Variants in NOL4 observed in about 807,000 individuals in gnomAD.
The protein encoded by NOL4 is cancer/testis antigen 125.
A neutral mutation model predicts 75.9 loss-of-function variants in NOL4; 17 were observed. The observed-to-expected ratio is 0.22, with a 90% CI of 0.15 to 0.34. NOL4 has a LOEUF of 0.34. Ranked by LOEUF, NOL4 falls within the 10% of genes least tolerant of loss-of-function variation. The pLI is 1.00. For synonymous variants in NOL4, 292 were observed against 289.9 expected (o/e 1.01, Z -0.07); for missense variants, 614 against 793.5 (o/e 0.77, Z 2.72).
Position 34,141,140 on chromosome 18 carries a change from C to T in NOL4, c.265-11120G>A, listed in dbSNP as rs183964509. Among the ~76,000 whole-genome samples, 22 of 152,222 alleles carry T rather than the reference C, an allele frequency of 1.4e-4. No homozygotes were observed. In the East Asian group the frequency reaches 3.7e-3, roughly 25 times the overall value. ...CCAACTTACAAGGGAAGTGAAGGAC[C>T]TCTTCAAGGAGAACTACAAACCACT... On this transcript the variant is annotated intron_variant, in intron 1 of 10. Coordinates refer to ENST00000261592, the MANE Select transcript of NOL4 (RefSeq NM_003787.5).
At chr18:34,025,902 T>G (rs2075316735) in intron 5 of NOL4, among the ~76,000 whole-genome samples, 1 of 152,154 alleles carries the variant, frequency 6.6e-6, no homozygotes, top group Non-Finnish European at 1.5e-5. Context: ...GGTATTCTCC[T>G]AAACTCTCCT....
At chr18:33,893,764 G>T (rs1408936880) in intron 9 of NOL4, among the ~76,000 whole-genome samples, 6 of 152,040 alleles carry the variant, frequency 3.9e-5, no homozygotes, top group Non-Finnish European at 1.5e-5. Context: ...GCACTTTGAA[G>T]TGTACAAGGC....
chr18:34,084,272 C>G (rs370866226), intron 5 of NOL4, among the ~76,000 whole-genome samples: 59 of 152,104 alleles, frequency 3.9e-4, no homozygotes, highest in African/African-American at 1.4e-3. Context: ...ACAGGAAAGA[C>G]TAGGGCTGCT....
At chr18:33,906,915 T>G (rs1246522213) in intron 9 of NOL4, among the ~76,000 whole-genome samples, 2 of 152,194 alleles carry the variant, frequency 1.3e-5, no homozygotes, top group Non-Finnish European at 2.9e-5. Flanking sequence ...TGTTCTGTTA[T>G]ATAATTATCT....
intron 1 of NOL4, among the ~76,000 whole-genome samples, chr18:34,159,171 C>T (rs2030995742): frequency 6.6e-6 from 1 of 152,130 alleles, no homozygotes; most frequent in Admixed American, 6.5e-5. Flanking sequence ...AGAAAGGCGC[C>T]CTCCACCCTG....
chr18:34,130,014 C>T lies in NOL4; in HGVS notation c.271G>A (p.Val91Ile), dbSNP rs748692663. 2.9e-5 allele frequency: 45 copies of T among 1,558,088 alleles called. No homozygotes were observed. In the South Asian group the frequency reaches 4.1e-4, roughly 14 times the overall value. Reference protein sequence around the residue: ...LYVPVKTTDGVGVDEKLSLRR... With the variant: ...LYVPVKTTDGIGVDEKLSLRR... Reference sequence around the variant, plus strand: ...AAAGATAGCTTCTCATCTACCCCTACGCCATCCTGGAAACAAAACAACAAC... The same window carrying T: ...AAAGATAGCTTCTCATCTACCCCTATGCCATCCTGGAAACAAAACAACAAC... Residue 91 changes from valine to isoleucine, a missense_variant, in exon 2 of 11, where the codon GTA becomes ATA. By Grantham distance (29) the Val-to-Ile change is conservative (BLOSUM62 3). Around this residue, in one of 9 missense-constraint regions of NOL4, gnomAD observed 49 missense variants for 39.6 expected, o/e 1.24. Transcript: ENST00000261592.
chr18:34,017,378 G>A (rs146204196), intron 6 of NOL4, among the ~76,000 whole-genome samples: 26 of 152,144 alleles, frequency 1.7e-4, no homozygotes, highest in East Asian at 1.2e-3. Context: ...AATTTAAGAT[G>A]TACAACATGA....
chr18:34,200,037 T>C (rs901122503), intron 1 of NOL4, among the ~76,000 whole-genome samples: 2 of 151,828 alleles, frequency 1.3e-5, no homozygotes, highest in Non-Finnish European at 3.0e-5. Context: ...ATTTTAGTAA[T>C]TGTTGTGTTG....
intron 5 of NOL4, among the ~76,000 whole-genome samples, chr18:34,046,295 A>T (rs1197973514): frequency 6.6e-6 from 1 of 151,972 alleles, no homozygotes; most frequent in Admixed American, 6.6e-5. Context: ...GCCTTTCGAG[A>T]GAGAATCTGA....
At chr18:34,054,955 G>A (rs1381772174) in intron 5 of NOL4, among the ~76,000 whole-genome samples, 1 of 148,426 alleles carries the variant, frequency 6.7e-6, no homozygotes, top group Non-Finnish European at 1.5e-5. Context: ...ATTCTATATT[G>A]CATATTTCCA....
intron 8 of NOL4, among the ~76,000 whole-genome samples, chr18:33,947,519 C>T (rs1318240087): frequency 6.6e-6 from 1 of 151,818 alleles, no homozygotes; most frequent in Non-Finnish European, 1.5e-5. Context: ...ATAACACCTC[C>T]TGTGGCTGAA....
intron 10 of NOL4, among the ~76,000 whole-genome samples, chr18:33,860,305 A>C (rs2063047815): frequency 1.3e-5 from 2 of 152,188 alleles, no homozygotes; most frequent in South Asian, 4.2e-4. Context: ...CCCAAATCTC[A>C]CATCCTTTTT....
chr18:33,915,082 C>T (rs1182725875), intron 9 of NOL4, among the ~76,000 whole-genome samples: 3 of 152,080 alleles, frequency 2.0e-5, no homozygotes, highest in African/African-American at 7.2e-5. Flanking sequence ...GAAAAGAATT[C>T]GTATGTTGTT....
At chr18:33,906,699 T>G (rs532813495) in intron 9 of NOL4, among the ~76,000 whole-genome samples, 143 of 152,220 alleles carry the variant, frequency 9.4e-4, no homozygotes, top group Admixed American at 2.0e-3. Context: ...TGTAGTATTT[T>G]AGAACTTTTA....
At chr18:33,919,071 T>G (rs2066886967) in intron 9 of NOL4, among the ~76,000 whole-genome samples, 1 of 152,178 alleles carries the variant, frequency 6.6e-6, no homozygotes, top group African/African-American at 2.4e-5. Context: ...ACTGGAGCAG[T>G]GTTTTTTAGG....
At position 33,895,231 on chromosome 18, in the gene NOL4, T is replaced by C. The variant is rs146690028; in HGVS notation, c.1543-11807A>G. Among the ~76,000 whole-genome samples, 234 of 152,180 alleles carry C rather than the reference T, an allele frequency of 1.5e-3. 1 individual carries two copies. The highest frequency in any genetic ancestry group is 5.4e-3 in the African/African-American group (224 of 41,558). ...TACAGTAGTGATAATCCTCAACTAA[T>C]TTTATATGTATACATGACTAGCAAG... On this transcript the variant is annotated intron_variant, in intron 9 of 10. Coordinates refer to ENST00000261592, the MANE Select transcript of NOL4 (RefSeq NM_003787.5).
rs536554202 is a variant in NOL4, at chr18:34,080,224, G to A, written c.772+13241C>T. 1.2e-3 allele frequency among the ~76,000 whole-genome samples: 185 copies of A among 152,248 alleles called. 1 individual carries two copies. The highest frequency in any genetic ancestry group is 4.3e-3 in the African/African-American group (177 of 41,544). ...AGCTCCTCCATCCTCAGGTCAAACT[G>A]TAGCCACTGCTAGACTCTCTCATAA... is the stretch of plus-strand genomic sequence containing the variant. On this transcript the variant is annotated intron_variant, in intron 5 of 10. Coordinates refer to ENST00000261592, the MANE Select transcript of NOL4 (RefSeq NM_003787.5).
At chr18:34,157,932 ATC>A (rs2146141253) in intron 1 of NOL4, among the ~76,000 whole-genome samples, 1 of 152,322 alleles carries the variant, frequency 6.6e-6, no homozygotes. Context: ...CTATATCAAA[ATC>A]TCTTTTAGTG....
chr18:34,099,877 T>C (rs1028563403), intron 4 of NOL4, among the ~76,000 whole-genome samples: 7 of 152,126 alleles, frequency 4.6e-5, no homozygotes, highest in African/African-American at 1.7e-4. Flanking sequence ...CATGCCCCTA[T>C]ATAGCTGGAC....
Sources: gnomAD v4.1 joint callset for allele counts (sites outside exome capture counted in the v4.1 genomes callset) on GRCh38, gnomAD v4.1.1 for gene constraint, gnomAD v4.1.1 regional missense constraint, MANE v1.5 for transcripts, NCBI Gene and HGNC (gene_info 2026-07-23, HGNC 2026-07-21) for gene names.